Variants in ADGRG2 observed in about 807,000 individuals in gnomAD.
ADGRG2 encodes the protein adhesion G protein-coupled receptor G2.
ADGRG2 carries 26 observed loss-of-function variants against 74.1 expected under a neutral mutation model. The observed-to-expected ratio is 0.35, with a 90% CI of 0.26 to 0.49. ADGRG2 has a LOEUF of 0.49. Ranked by LOEUF, ADGRG2 falls within the 20% of genes least tolerant of loss-of-function variation. The pLI is 0.99. For missense variants in ADGRG2, 619 were observed against 763.1 expected (o/e 0.81, Z 2.22); for synonymous variants, 296 against 295.2 (o/e 1.00, Z -0.03).
At position 19,013,962 on chromosome X, in the gene ADGRG2, T is replaced by C; in HGVS notation, c.823A>G (p.Lys275Glu). The C allele has an allele frequency of 1.7e-6, 2 of 1,210,723 alleles. No homozygotes were observed. Among genetic ancestry groups the C allele is most frequent in the Non-Finnish European group, 2.2e-6 (2 of 895,097 alleles). ...GGAGGCTCAGCAAAAGAGGTAGCTT[T>C]GGGGACCTGGGAAAGCACAGTGGCC... is the stretch of plus-strand genomic sequence containing the variant. ...PRATVLSQVPKATSFAEPPDY... is the reference protein window; with the variant it reads ...PRATVLSQVPEATSFAEPPDY... The change falls in exon 16 of 29, where the codon AAA becomes GAA. Residue 275 changes from lysine to glutamate, a missense_variant. Transcript: ENST00000379869.
chrX:19,037,019 T>C (rs1231073584), intron 6 of ADGRG2, among the ~76,000 whole-genome samples: 1 of 111,444 alleles, frequency 9.0e-6, no homozygotes, highest in African/African-American at 3.3e-5. Flanking sequence ...GGGAAGCCAT[T>C]TTTTTCCCAT....
At position 18,999,845 on chromosome X, in the gene ADGRG2, G is replaced by C. The variant is rs748858116; in HGVS notation, c.2330+16C>G. 1.9e-6 allele frequency: 2 copies of C among 1,025,947 alleles called. No homozygotes were observed. The highest frequency in any genetic ancestry group is 6.1e-5 in the East Asian group (2 of 32,930). The allele number at this position is 1,025,947 out of a possible 1,213,427, so 84.5% of individuals were successfully genotyped here. A position where few individuals can be genotyped will look rare whatever the true frequency, so the allele number is the denominator to read the frequency against. ...TCCAGTTCACTTAGCATTCCCTTAGGGGGCTTTGTACTCACAAGTCATCCG... is the reference window on the plus strand; with the variant it reads ...TCCAGTTCACTTAGCATTCCCTTAGCGGGCTTTGTACTCACAAGTCATCCG... On this transcript the variant is annotated intron_variant, in intron 25 of 28. Transcript: ENST00000379869.
intron 1 of ADGRG2, among the ~76,000 whole-genome samples, chrX:19,094,364 T>C (rs192358535): frequency 3.6e-4 from 40 of 111,179 alleles, no homozygotes; most frequent in African/African-American, 1.3e-3. Flanking sequence ...AAATCTATTT[T>C]TTTTTTAATG....
intron 1 of ADGRG2, among the ~76,000 whole-genome samples, chrX:19,118,984 A>G (rs912022091): frequency 4.5e-5 from 5 of 111,964 alleles, no homozygotes; most frequent in Non-Finnish European, 7.5e-5. Context: ...ACATTCTGAA[A>G]AGAACAAAAT....
intron 2 of ADGRG2, among the ~76,000 whole-genome samples, chrX:19,078,334 G>A (rs1473630452): frequency 1.8e-5 from 2 of 111,683 alleles, no homozygotes; most frequent in East Asian, 5.6e-4. Flanking sequence ...AGGGTTACCT[G>A]AGCCCAGGAG....
rs534574581 is a variant in ADGRG2, at chrX:19,036,616, AACACAC to A, written c.227-645_227-640del. ...AAGGCATTTATTACATCATACTTAAAACACACACACACACACACACACACACACACA... is the reference window on the plus strand; with the variant it reads ...AAGGCATTTATTACATCATACTTAAAACACACACACACACACACACACACA... On this transcript the variant is annotated intron_variant, in intron 6 of 28. Transcript: ENST00000379869. Among the ~76,000 whole-genome samples, 97 of 94,696 alleles carry A rather than the reference AACACAC, an allele frequency of 1.0e-3. 1 individual carries two copies. Among genetic ancestry groups the A allele is most frequent in the Admixed American group, 3.3e-3 (27 of 8,274 alleles). 82.2% of individuals were successfully genotyped at this position (94,696 alleles called of 115,157 possible).
chrX:19,084,255 A>T (rs1176886599), intron 1 of ADGRG2, among the ~76,000 whole-genome samples: 1 of 109,079 alleles, frequency 9.2e-6, no homozygotes, highest in Admixed American at 9.8e-5. Context: ...TGACACACTT[A>T]TAAGTGTGTC....
At chrX:19,107,637 G>GT (rs74586432) in intron 1 of ADGRG2, among the ~76,000 whole-genome samples, 3,032 of 47,894 alleles carry the variant, frequency 0.063, 70 homozygotes, top group African/African-American at 0.2. Context: ...TTTGTTTTTT[G>GT]TTTTTTTTTT....
At chrX:19,038,071 AT>A (rs1347124188) in intron 4 of ADGRG2, among the ~76,000 whole-genome samples, 1 of 112,226 alleles carries the variant, frequency 8.9e-6, no homozygotes, top group Non-Finnish European at 1.9e-5. Flanking sequence ...TAAATTTAGG[AT>A]TAAAAAAATT....
rs188440476 is a variant in ADGRG2, at chrX:19,077,954, A to G, written c.-2+4748T>C. ...GAGAGATCTCTATCAGCAATTGGTAAAAATTAAATAAGAAAGTCATTAAGG... is the reference window on the plus strand; with the variant it reads ...GAGAGATCTCTATCAGCAATTGGTAGAAATTAAATAAGAAAGTCATTAAGG... On this transcript the variant is annotated intron_variant, in intron 2 of 28. Coordinates refer to ENST00000379869, the MANE Select transcript of ADGRG2 (RefSeq NM_001079858.3). Among the ~76,000 whole-genome samples the G allele has an allele frequency of 3.2e-3, 359 of 112,002 alleles. 1 individual carries two copies. Among genetic ancestry groups the G allele is most frequent in the African/African-American group, 0.011 (342 of 30,833 alleles).
rs771400028 is a variant in ADGRG2 at position 18,994,626 on chromosome X, T to A, written c.2869+270A>T. Reference sequence around the variant, plus strand: ...CTGAAGTCTTTGGACAATAGTTAAGTGAGGATTTAAAATGTTAAAATTTTT... The same window carrying A: ...CTGAAGTCTTTGGACAATAGTTAAGAGAGGATTTAAAATGTTAAAATTTTT... On this transcript the variant is annotated intron_variant, in intron 28 of 28. Coordinates refer to ENST00000379869, the MANE Select transcript of ADGRG2 (RefSeq NM_001079858.3). Among the ~76,000 whole-genome samples, 105 of 112,400 alleles carry A rather than the reference T, an allele frequency of 9.3e-4. 1 individual carries two copies. Among genetic ancestry groups the A allele is most frequent in the African/African-American group, 3.3e-3 (102 of 30,963 alleles).
At chrX:19,000,173 A>G (rs2060099640) in intron 24 of ADGRG2, among the ~76,000 whole-genome samples, 1 of 108,653 alleles carries the variant, frequency 9.2e-6, no homozygotes. Context: ...TTTGTTTTGT[A>G]TTTTTCGTAG....
At chrX:19,040,986 G>A (rs1419858085) in intron 3 of ADGRG2, among the ~76,000 whole-genome samples, 1 of 110,436 alleles carries the variant, frequency 9.1e-6, no homozygotes, top group Non-Finnish European at 1.9e-5. Context: ...GTGTTTATAT[G>A]TGTATATATT....
chrX:19,006,437 C>T (rs2060234177), intron 20 of ADGRG2, among the ~76,000 whole-genome samples, 172 bp from the exon 21 acceptor site: 1 of 110,887 alleles, frequency 9.0e-6, no homozygotes, highest in Non-Finnish European at 1.9e-5. Flanking sequence ...AGCAAGTAAG[C>T]CCTAAATAGA....
chrX:19,006,326 A>C, intron 20 of ADGRG2, 61 bp from the exon 21 acceptor site: 2 of 782,150 alleles, frequency 2.6e-6, no homozygotes, highest in Non-Finnish European at 3.8e-6. Flanking sequence ...AAAAAAGCAA[A>C]ACTGAAAGGT....
At chrX:19,082,072 C>CAAAAAAAAAAAAAAAAAAAAAAAAAA (rs57534658) in intron 2 of ADGRG2, among the ~76,000 whole-genome samples, 1 of 21,196 alleles carries the variant, frequency 4.7e-5, no homozygotes, top group African/African-American at 1.4e-4. Flanking sequence ...GACCCTGTCT[C>CAAAAAAAAAAAAAAAAAAAAAAAAAA]AAAAAAAAAA....
At chrX:19,036,122 T>A in intron 6 of ADGRG2, 145 bp from the exon 7 acceptor site, 1 of 362,757 alleles carries the variant, frequency 2.8e-6, no homozygotes, top group Admixed American at 5.1e-5. Context: ...CTAAATGTTT[T>A]TGCTACCCAT....
intron 2 of ADGRG2, among the ~76,000 whole-genome samples, chrX:19,070,967 C>CTTCATTCA (rs368910522): frequency 4.5e-5 from 5 of 111,111 alleles, no homozygotes; most frequent in East Asian, 2.8e-4. Context: ...TAGCTGTGCT[C>CTTCATTCA]TTCATTCATT....
chrX:19,010,607 T>C lies in ADGRG2; in HGVS notation c.1265+6A>G. 8.3e-7 allele frequency: 1 copy of C among 1,201,444 alleles called. No individual in the cohort carries two copies. The highest frequency in any genetic ancestry group is 1.1e-6 in the Non-Finnish European group (1 of 889,665). On this transcript the variant is annotated splice_donor_region_variant and intron_variant, in intron 17 of 28. Transcript: ENST00000379869. ...CTTACCACCACTTCAGTTTGCGAAG[T>C]CGTACCTTTGAGCCAGAGGGGCCAG...
Sources: allele counts gnomAD v4.1 joint callset (sites outside exome capture counted in the v4.1 genomes callset), GRCh38; gene constraint gnomAD v4.1.1; transcripts MANE v1.5; gene names NCBI Gene and HGNC (gene_info 2026-07-23, HGNC 2026-07-21).